ZMYM2: variants seen among roughly 807,000 people sequenced by gnomAD.
The protein encoded by ZMYM2 is zinc finger MYM-type protein 2.
In ZMYM2, 56 loss-of-function variants were observed where a neutral mutation model predicts 162.8. That is an observed-to-expected ratio of 0.34 (90% confidence interval 0.28 to 0.43). The LOEUF (loss-of-function observed/expected upper bound fraction) is 0.43. Among genes scored for constraint, ZMYM2 ranks in the 20% least tolerant of loss-of-function variants. The probability of loss-of-function intolerance (pLI) is 1.00; values close to 1 mark genes in which losing one functional copy is unlikely to be tolerated. For synonymous variants in ZMYM2, 510 were observed against 541.6 expected, an observed-to-expected ratio of 0.94 and a Z score of 0.81; for missense variants, 1,275 against 1,621.8, an observed-to-expected ratio of 0.79 and a Z score of 3.67.
chr13:20,032,975 A>C (rs901395292), intron 10 of ZMYM2, among the ~76,000 whole-genome samples: 6 of 152,172 alleles, frequency 3.9e-5, no homozygotes, highest in Admixed American at 3.3e-4. Context: ...AATGACTGGA[A>C]CATTTTTTAG....
chr13:19,964,557 G>T (rs1264811960), intron 2 of ZMYM2, among the ~76,000 whole-genome samples: 1 of 152,160 alleles, frequency 6.6e-6, no homozygotes, highest in African/African-American at 2.4e-5. Context: ...GAGCCACCAT[G>T]CCCAGCCAGT....
chr13:19,870,535 TTC>T, the ZMYM2 span, among the ~76,000 whole-genome samples: 8,855 of 82,162 alleles, frequency 0.11, 324 homozygotes, highest in East Asian at 0.19. Context: ...CTTTCTTTCT[TTC>T]TCTTTCTTTC....
intron 21 of ZMYM2, among the ~76,000 whole-genome samples, chr13:20,075,811 A>G (rs1007313281): frequency 1.9e-4 from 29 of 150,948 alleles, no homozygotes; most frequent in African/African-American, 5.9e-4. Flanking sequence ...CCTCCTCCCA[A>G]GTAGCTGGGA....
chr13:20,058,777 G>T, intron 15 of ZMYM2, 73 bp downstream of exon 15: 1 of 1,559,008 alleles, frequency 6.4e-7, no homozygotes, highest in South Asian at 1.1e-5. Flanking sequence ...TGCTTTTCTT[G>T]AATGACACCT....
chr13:19,943,289 C>A, the ZMYM2 span, among the ~76,000 whole-genome samples: 41 of 152,146 alleles, frequency 2.7e-4, no homozygotes, highest in African/African-American at 9.6e-4. Flanking sequence ...TTCCTAATGA[C>A]AACATTTTAA....
chr13:19,923,722 G>T, the ZMYM2 span, among the ~76,000 whole-genome samples: 1 of 140,392 alleles, frequency 7.1e-6, no homozygotes, highest in East Asian at 2.2e-4. Flanking sequence ...CCAGGCTGGA[G>T]TGCAGTGGCA....
chr13:20,030,180 TGAA>T (rs995368195), intron 9 of ZMYM2, among the ~76,000 whole-genome samples: 20 of 151,954 alleles, frequency 1.3e-4, no homozygotes, highest in African/African-American at 9.6e-5. Context: ...CTCCTAACTT[TGAA>T]GAAGAAGTGA....
chr13:20,044,455 C>G (rs1388520820), intron 12 of ZMYM2, among the ~76,000 whole-genome samples: 1 of 152,176 alleles, frequency 6.6e-6, no homozygotes, highest in Admixed American at 6.5e-5. Flanking sequence ...TCTGTCTTCC[C>G]TCCTCTACTC....
intron 16 of ZMYM2, among the ~76,000 whole-genome samples, chr13:20,060,653 G>A (rs1956160565): frequency 6.6e-6 from 1 of 151,914 alleles, no homozygotes; most frequent in African/African-American, 2.4e-5. Context: ...ACTCCAGCCT[G>A]GGCAACAAGA....
At chr13:19,918,573 A>G in the ZMYM2 span, among the ~76,000 whole-genome samples, 2 of 129,660 alleles carry the variant, frequency 1.5e-5, no homozygotes, top group South Asian at 4.7e-4. Context: ...ATCTTGGCTC[A>G]CTGCAACCTC....
the ZMYM2 span, among the ~76,000 whole-genome samples, chr13:19,866,722 C>T: frequency 1.3e-5 from 2 of 151,880 alleles, no homozygotes; most frequent in African/African-American, 2.4e-5. Flanking sequence ...ATAGTGGGAC[C>T]CAGTCTCTAC....
chr13:19,909,009 A>G, the ZMYM2 span, among the ~76,000 whole-genome samples: 17 of 152,198 alleles, frequency 1.1e-4, no homozygotes, highest in Admixed American at 6.5e-5. Context: ...ATACTTTACT[A>G]TTATCCCAGA....
chr13:20,026,638 T>A lies in ZMYM2; in HGVS notation c.1611T>A (p.Thr537=). Residue 537 remains threonine, a synonymous_variant, in exon 8 of 25, where the codon ACT becomes ACA. Coordinates refer to ENST00000610343, the MANE Select transcript of ZMYM2 (RefSeq NM_197968.4). The part of the protein sequence containing the change: ...PEKYGKLTTC[T]GCRTQCRFFD... ...AATATGGAAAACTGACAACTTGTAC[T>A]GGTTGCCGAACACAGTGCAGGTTTT... is the stretch of plus-strand genomic sequence containing the variant. The A allele has an allele frequency of 6.2e-7, 1 of 1,604,546 alleles. No homozygotes were observed. The highest frequency in any genetic ancestry group is 8.5e-7 in the Non-Finnish European group (1 of 1,177,810).
chr13:20,009,212 A>C (rs551133384), intron 6 of ZMYM2, among the ~76,000 whole-genome samples: 1 of 152,328 alleles, frequency 6.6e-6, no homozygotes, highest in South Asian at 2.1e-4. Flanking sequence ...ACTTCAGCGC[A>C]GACAAAATTA....
intron 2 of ZMYM2, chr13:19,969,965 C>T: frequency 3.5e-6 from 3 of 854,808 alleles, no homozygotes; most frequent in Non-Finnish European, 4.2e-6. Flanking sequence ...TACCTGAAGT[C>T]TACCTTATTG....
chr13:19,916,082 C>T, the ZMYM2 span, among the ~76,000 whole-genome samples: 3 of 151,940 alleles, frequency 2.0e-5, no homozygotes, highest in Non-Finnish European at 4.4e-5. Flanking sequence ...AGGTTGGTCT[C>T]TATCTCCTGA....
the ZMYM2 span, among the ~76,000 whole-genome samples, chr13:19,871,694 C>CT: frequency 1.3e-5 from 2 of 152,098 alleles, no homozygotes; most frequent in Non-Finnish European, 2.9e-5. Flanking sequence ...ATATATGGCT[C>CT]TAATTTATAC....
rs902540594 is a variant in ZMYM2, at chr13:19,959,983, C to T, written c.-54C>T. 1 of 152,292 alleles carries T rather than the reference C, an allele frequency of 6.6e-6. No homozygotes were observed. The highest frequency in any genetic ancestry group is 1.5e-5 in the Non-Finnish European group (1 of 68,118). 9.4% of individuals were successfully genotyped at this position (152,292 alleles called of 1,614,324 possible). On this transcript the variant is annotated 5_prime_UTR_variant, in exon 2 of 25. Coordinates refer to ENST00000610343, the MANE Select transcript of ZMYM2 (RefSeq NM_197968.4). ...GACCAAGAATCGCCTTCAGCCCTGTCTGGTGCATCCTTGGCAGAAAGTGAG... is the reference window on the plus strand; with the variant it reads ...GACCAAGAATCGCCTTCAGCCCTGTTTGGTGCATCCTTGGCAGAAAGTGAG...
At chr13:19,906,299 T>TACAC in the ZMYM2 span, among the ~76,000 whole-genome samples, 3 of 102,812 alleles carry the variant, frequency 2.9e-5, no homozygotes, top group African/African-American at 1.1e-4. Flanking sequence ...TATATATATA[T>TACAC]ATATATATAT....
Sources: allele counts gnomAD v4.1 joint callset (sites outside exome capture counted in the v4.1 genomes callset), GRCh38; gene constraint gnomAD v4.1.1; transcripts MANE v1.5; gene names NCBI Gene and HGNC (gene_info 2026-07-23, HGNC 2026-07-21).